The following SNAP25 variants were observed in gnomAD, a reference collection of about 807,000 sequenced individuals.
The protein encoded by SNAP25 is synaptosomal-associated protein 25.
A neutral mutation model predicts 28.7 loss-of-function variants in SNAP25; 3 were observed. The observed-to-expected ratio is 0.10, with a 90% CI of 0.05 to 0.27. The LOEUF (loss-of-function observed/expected upper bound fraction) is 0.27. Ranked by LOEUF, SNAP25 falls within the 10% of genes least tolerant of loss-of-function variation. The pLI, the probability that SNAP25 is intolerant of heterozygous loss-of-function variation, is 1.00. For missense variants in SNAP25, 117 were observed against 278.7 expected, an observed-to-expected ratio of 0.42 and a Z score of 4.13; for synonymous variants, 61 against 88.1, an observed-to-expected ratio of 0.69 and a Z score of 1.72.
rs761830881 is a variant in SNAP25, at chr20:10,297,001, G to A, written c.358G>A (p.Val120Ile). The A allele has an allele frequency of 1.2e-6, 2 of 1,612,886 alleles. No individual in the cohort carries two copies. The highest frequency in any genetic ancestry group is 1.1e-5 in the South Asian group (1 of 90,850). Residue 120 changes from valine to isoleucine, a missense_variant, in exon 6 of 8, where the codon GTA becomes ATA. Val to Ile is a conservative substitution (Grantham distance 29). Coordinates refer to ENST00000254976, the MANE Select transcript of SNAP25 (RefSeq NM_130811.4). Reference protein sequence around the residue: ...DGVVASQPARVVDEREQMAIS... With the variant: ...DGVVASQPARIVDEREQMAIS... Reference sequence around the variant, plus strand: ...AGTGGTGGCCAGCCAGCCTGCTCGTGTAGTGGACGAACGGGAGCAGATGGC... The same window carrying A: ...AGTGGTGGCCAGCCAGCCTGCTCGTATAGTGGACGAACGGGAGCAGATGGC...
intron 1 of SNAP25, among the ~76,000 whole-genome samples, chr20:10,245,496 G>A (rs1171829981): frequency 6.6e-6 from 1 of 152,166 alleles, no homozygotes; most frequent in East Asian, 1.9e-4. Context: ...ACTTAGATTA[G>A]CCATCAAATT....
At chr20:10,228,514 A>G (rs1326426533) in intron 1 of SNAP25, among the ~76,000 whole-genome samples, 4 of 152,182 alleles carry the variant, frequency 2.6e-5, no homozygotes, top group Non-Finnish European at 4.4e-5. Flanking sequence ...AAGTGACCAG[A>G]GAAACTATGT....
intron 1 of SNAP25, among the ~76,000 whole-genome samples, chr20:10,224,982 G>C (rs1180482456): frequency 6.6e-6 from 1 of 151,948 alleles, no homozygotes; most frequent in Non-Finnish European, 1.5e-5. Flanking sequence ...TATAGAATCT[G>C]TGAGCTGTAA....
intron 3 of SNAP25, among the ~76,000 whole-genome samples, chr20:10,282,221 AAGGAAGGG>A (rs1228930875): frequency 1.5e-5 from 2 of 137,506 alleles, no homozygotes; most frequent in Non-Finnish European, 3.3e-5. Flanking sequence ...GGAAGGAAGG[AAGGAAGGG>A]AAAGGAAGGA....
At chr20:10,280,663 A>T (rs746309442) in intron 3 of SNAP25, among the ~76,000 whole-genome samples, 7 of 152,230 alleles carry the variant, frequency 4.6e-5, no homozygotes, top group Non-Finnish European at 1.0e-4. Flanking sequence ...GAGTCTGCAC[A>T]TCAATGCCTT....
At chr20:10,232,030 G>A (rs779996501) in intron 1 of SNAP25, among the ~76,000 whole-genome samples, 37 of 152,170 alleles carry the variant, frequency 2.4e-4, no homozygotes, top group Non-Finnish European at 5.0e-4. Context: ...CAAGCCATAG[G>A]AAAAGCAGAG....
intron 1 of SNAP25, among the ~76,000 whole-genome samples, chr20:10,242,174 G>A (rs1261626912): frequency 1.3e-5 from 2 of 152,152 alleles, no homozygotes; most frequent in Non-Finnish European, 2.9e-5. Context: ...AAGTGAGGAA[G>A]GATTCTCAAG....
intron 1 of SNAP25, among the ~76,000 whole-genome samples, chr20:10,227,283 A>C (rs2062749644): frequency 6.6e-6 from 1 of 152,094 alleles, no homozygotes; most frequent in Non-Finnish European, 1.5e-5. Context: ...CTCTTTCTTA[A>C]TAGACTTTGG....
At chr20:10,304,267 T>C (rs2064303817) in intron 7 of SNAP25, among the ~76,000 whole-genome samples, 1 of 152,238 alleles carries the variant, frequency 6.6e-6, no homozygotes, top group Non-Finnish European at 1.5e-5. Context: ...ACACACTTTA[T>C]AGTTGATATT....
At chr20:10,220,521 C>G in intron 1 of SNAP25, among the ~76,000 whole-genome samples, 1 of 152,182 alleles carries the variant, frequency 6.6e-6, no homozygotes, top group East Asian at 1.9e-4. Flanking sequence ...AGGTCTACTG[C>G]AATTTCTCTT....
chr20:10,251,051 G>A (rs1191481544), intron 1 of SNAP25, among the ~76,000 whole-genome samples: 2 of 152,128 alleles, frequency 1.3e-5, no homozygotes, highest in Middle Eastern at 3.2e-3. Context: ...GTTAAGTGAC[G>A]CATGACTGTA....
At position 10,301,002 on chromosome 20, in the gene SNAP25, T is replaced by C. The variant is rs541323862; in HGVS notation, c.552+1590T>C. Among the ~76,000 whole-genome samples, 4 of 152,278 alleles carry C rather than the reference T, an allele frequency of 2.6e-5. No homozygotes were observed. In the South Asian group the frequency reaches 8.3e-4, roughly 32 times the overall value. On this transcript the variant is annotated intron_variant, in intron 7 of 7. Transcript: ENST00000254976. ...AACAATTTGAAAAAAACAGGAAGTA[T>C]TCATTTTCTATTAATGGACCCACTT...
intron 3 of SNAP25, among the ~76,000 whole-genome samples, chr20:10,283,816 T>C (rs906303572): frequency 6.6e-6 from 1 of 152,140 alleles, no homozygotes; most frequent in Non-Finnish European, 1.5e-5. Context: ...TTTATACCCA[T>C]TAACAGTCGC....
chr20:10,267,916 A>T (rs6032833), intron 1 of SNAP25, among the ~76,000 whole-genome samples: 23,963 of 152,190 alleles, frequency 0.16, 3,507 homozygotes, highest in African/African-American at 0.39. Flanking sequence ...TAAATATGCT[A>T]TGAAAATATG....
Position 10,230,313 on chromosome 20 carries a change from G to A in SNAP25, c.-64+11336G>A, listed in dbSNP as rs529776452. Among the ~76,000 whole-genome samples the A allele has an allele frequency of 4.6e-5, 7 of 152,232 alleles. No homozygotes were observed. In the South Asian group the frequency reaches 8.3e-4, roughly 18 times the overall value. ...CCCAACACTCATCTTCCCAAAGAACGGAGAGTCCCATTTTGTGGGACAAAG... is the reference window on the plus strand; with the variant it reads ...CCCAACACTCATCTTCCCAAAGAACAGAGAGTCCCATTTTGTGGGACAAAG... On this transcript the variant is annotated intron_variant, in intron 1 of 7. Coordinates refer to ENST00000254976, the MANE Select transcript of SNAP25 (RefSeq NM_130811.4).
At chr20:10,233,468 G>A (rs2062861169) in intron 1 of SNAP25, among the ~76,000 whole-genome samples, 1 of 152,182 alleles carries the variant, frequency 6.6e-6, no homozygotes, top group Non-Finnish European at 1.5e-5. Context: ...AAGGGAAAGG[G>A]AGAATCTCCT....
chr20:10,251,942 T>A (rs966235132), intron 1 of SNAP25, among the ~76,000 whole-genome samples: 1 of 152,200 alleles, frequency 6.6e-6, no homozygotes, highest in Non-Finnish European at 1.5e-5. Flanking sequence ...TCTGTACATT[T>A]GTGTTTGACA....
At chr20:10,236,405 A>G (rs1419764535) in intron 1 of SNAP25, among the ~76,000 whole-genome samples, 1 of 148,408 alleles carries the variant, frequency 6.7e-6, no homozygotes, top group Non-Finnish European at 1.5e-5. Context: ...AGGGTGGAGC[A>G]GGAGGGGATC....
At chr20:10,294,357 T>C (rs547162113) in intron 5 of SNAP25, among the ~76,000 whole-genome samples, 4 of 152,114 alleles carry the variant, frequency 2.6e-5, no homozygotes, top group Non-Finnish European at 5.9e-5. Flanking sequence ...TGCAAAAAAA[T>C]TAAAAAATTC....
Sources: gnomAD v4.1 joint callset for allele counts (sites outside exome capture counted in the v4.1 genomes callset) on GRCh38, gnomAD v4.1.1 for gene constraint, MANE v1.5 for transcripts, NCBI Gene and HGNC (gene_info 2026-07-23, HGNC 2026-07-21) for gene names.